The following WSB1 variants were observed in gnomAD, a reference collection of about 807,000 sequenced individuals.
WSB1 encodes the protein WD repeat and SOCS box containing 1.
WSB1 carries 23 observed loss-of-function variants against 50.2 expected under a neutral mutation model. The observed-to-expected ratio is 0.46, with a 90% confidence interval of 0.33 to 0.65. The LOEUF (loss-of-function observed/expected upper bound fraction) is 0.65. Ranked by LOEUF, WSB1 falls within the 30% of genes least tolerant of loss-of-function variation. WSB1 has a pLI of 0.02. For synonymous variants in WSB1, 179 were observed against 172.0 expected (o/e 1.04, Z -0.32); for missense variants, 492 against 522.3 (o/e 0.94, Z 0.56).
intron 1 of WSB1, among the ~76,000 whole-genome samples, chr17:27,297,651 C>A (rs1168594155): frequency 6.6e-6 from 1 of 151,994 alleles, no homozygotes; most frequent in East Asian, 1.9e-4. Context: ...GAGATGAGGT[C>A]CCCTATCTAT....
At chr17:27,308,696 G>C (rs1232391286) in intron 5 of WSB1, 1 of 986,890 alleles carries the variant, frequency 1.0e-6, no homozygotes, top group Non-Finnish European at 1.2e-6. Context: ...TACGTTTTCT[G>C]TCTGTATATT....
At chr17:27,304,031 G>C (rs142797018) in intron 3 of WSB1, among the ~76,000 whole-genome samples, 1 of 152,266 alleles carries the variant, frequency 6.6e-6, no homozygotes, top group East Asian at 1.9e-4. Context: ...ACCTTGGAAA[G>C]GTTTAGTGAA....
Position 27,312,468 on chromosome 17 carries a change from GATTT to G in WSB1, c.*105_*108del. On this transcript the variant is annotated 3_prime_UTR_variant, in exon 9 of 9. Transcript: ENST00000262394. ...ATTATCTGTTTTTAAAGACGTAGAA[GATTT>G]ATTTAATTTGATATGTTCTTGTACT... The G allele has an allele frequency of 6.7e-7, 1 of 1,484,274 alleles. No homozygotes were observed. The highest frequency in any genetic ancestry group is 9.1e-7 in the Non-Finnish European group (1 of 1,095,860). The allele number at this position is 1,484,274 out of a possible 1,614,324, so 91.9% of individuals were successfully genotyped here. A position where few individuals can be genotyped will look rare whatever the true frequency, so the allele number is the denominator to read the frequency against.
intron 1 of WSB1, among the ~76,000 whole-genome samples, chr17:27,296,303 T>TA (rs201943138): frequency 0.015 from 2,217 of 152,184 alleles, 60 homozygotes; most frequent in African/African-American, 0.05. Context: ...TATAAAAACT[T>TA]ACTAGCTAAG....
At position 27,294,450 on chromosome 17, in the gene WSB1, C is replaced by G; in HGVS notation, c.40+15C>G. Reference sequence around the variant, plus strand: ...GAAAGAGATCGGTGAGGATTGGGACCGTGGGTGGGCGCATGAGGGCCGAGG... The same window carrying G: ...GAAAGAGATCGGTGAGGATTGGGACGGTGGGTGGGCGCATGAGGGCCGAGG... On this transcript the variant is annotated intron_variant, in intron 1 of 8. Transcript: ENST00000262394. The G allele has an allele frequency of 6.2e-7, 1 of 1,610,070 alleles. No homozygotes were observed. The highest frequency in any genetic ancestry group is 8.5e-7 in the Non-Finnish European group (1 of 1,177,798).
At chr17:27,295,513 CCCTGGTTTTAATAACCA>C (rs1273789828) in intron 1 of WSB1, among the ~76,000 whole-genome samples, 1 of 151,640 alleles carries the variant, frequency 6.6e-6, no homozygotes, top group Non-Finnish European at 1.5e-5. Flanking sequence ...GGGACTTTAA[CCCTGGTTTTAATAACCA>C]TTTTTAAAGA....
Position 27,310,387 on chromosome 17 carries a change from T to C in WSB1, c.998+213T>C, listed in dbSNP as rs568806946. On this transcript the variant is annotated intron_variant, in intron 7 of 8. Transcript: ENST00000262394. Reference sequence around the variant, plus strand: ...CCCTGTGTTCCTTGTTTAACTTGTTTAGGCATAGTGGGTTGATTTTTAGTC... The same window carrying C: ...CCCTGTGTTCCTTGTTTAACTTGTTCAGGCATAGTGGGTTGATTTTTAGTC... Among the ~76,000 whole-genome samples the C allele has an allele frequency of 5.9e-5, 9 of 152,368 alleles. No individual in the cohort carries two copies. In the South Asian group the frequency reaches 1.7e-3, roughly 28 times the overall value.
rs1221685409 is a variant in WSB1 at position 27,314,482 on chromosome 17, A to G, written c.*2113A>G. ...TCCTAGCTACTTAGGAGGCTGAGGC[A>G]AGAGAATTGCTTGAACTGGAGAAAT... On this transcript the variant is annotated 3_prime_UTR_variant, in exon 9 of 9. Transcript: ENST00000262394. 1.3e-5 allele frequency: 2 copies of G among 151,922 alleles called. No homozygotes were observed. Among genetic ancestry groups the G allele is most frequent in the Admixed American group, 6.6e-5 (1 of 15,260 alleles). The allele number at this position is 151,922 out of a possible 1,614,324, so 9.4% of individuals were successfully genotyped here.
chr17:27,312,186 A>G (rs1402354596), intron 8 of WSB1, 24 bp from the exon 9 acceptor site: 1 of 1,593,876 alleles, frequency 6.3e-7, no homozygotes, highest in Admixed American at 1.8e-5. Flanking sequence ...TGGGTGACTA[A>G]GCATGTGCTT....
intron 1 of WSB1, among the ~76,000 whole-genome samples, chr17:27,296,208 T>A (rs2016971742): frequency 6.6e-6 from 1 of 151,600 alleles, no homozygotes; most frequent in Non-Finnish European, 1.5e-5. Context: ...CACTAAGTGT[T>A]CCCCCACTAG....
In WSB1 at chr17:27,294,266, GC is replaced by G. The variant is rs1430758249; in HGVS notation, c.-125del. On this transcript the variant is annotated 5_prime_UTR_variant, in exon 1 of 9. Coordinates refer to ENST00000262394, the MANE Select transcript of WSB1 (RefSeq NM_015626.10). ...GCAGTTAGCAGAAGCCGCAGCGGCCGCCCCCGCCCGTCTCCTCTGTCCCTGG... is the reference window on the plus strand; with the variant it reads ...GCAGTTAGCAGAAGCCGCAGCGGCCGCCCCGCCCGTCTCCTCTGTCCCTGG... The G allele has an allele frequency of 2.1e-5, 27 of 1,287,224 alleles. No homozygotes were observed. The highest frequency in any genetic ancestry group is 2.9e-5 in the Non-Finnish European group (27 of 937,344). 79.7% of individuals were successfully genotyped at this position (1,287,224 alleles called of 1,614,324 possible).
intron 5 of WSB1, 74 bp from the exon 6 acceptor site, chr17:27,309,026 G>T: frequency 6.9e-7 from 1 of 1,453,076 alleles, no homozygotes; most frequent in Non-Finnish European, 9.1e-7. Flanking sequence ...AAATTTAGCA[G>T]TTTTAGTATA....
chr17:27,298,523 C>A (rs1438559203), intron 1 of WSB1, among the ~76,000 whole-genome samples: 4 of 152,016 alleles, frequency 2.6e-5, no homozygotes, highest in Non-Finnish European at 5.9e-5. Flanking sequence ...GAGCTGGAGA[C>A]CAGCCTGGGT....
intron 5 of WSB1, chr17:27,308,481 T>C (rs1476548531): frequency 4.1e-6 from 4 of 984,886 alleles, no homozygotes; most frequent in Non-Finnish European, 4.8e-6. Context: ...AATGTAATTG[T>C]ATTATTTTCA....
At chr17:27,311,739 C>A (rs1435982828) in intron 8 of WSB1, 123 bp downstream of exon 8, 8 of 709,046 alleles carry the variant, frequency 1.1e-5, no homozygotes, top group African/African-American at 1.0e-4. Context: ...CAAGGAGATT[C>A]TCCTGCCTCA....
Position 27,312,383 on chromosome 17 carries a change from C to G in WSB1, c.*14C>G, listed in dbSNP as rs1252317565. 1 of 1,613,530 alleles carries G rather than the reference C, an allele frequency of 6.2e-7. No homozygotes were observed. Among genetic ancestry groups the G allele is most frequent in the Admixed American group, 1.7e-5 (1 of 59,764 alleles). On this transcript the variant is annotated 3_prime_UTR_variant, in exon 9 of 9. Coordinates refer to ENST00000262394, the MANE Select transcript of WSB1 (RefSeq NM_015626.10). ...TATCGTATTTAGAAGATTCTGCCTTCCCTAGTAGTAGGGACTGACAGAATA... is the reference window on the plus strand; with the variant it reads ...TATCGTATTTAGAAGATTCTGCCTTGCCTAGTAGTAGGGACTGACAGAATA...
chr17:27,299,646 A>T (rs1205734700), intron 1 of WSB1, among the ~76,000 whole-genome samples: 1 of 152,190 alleles, frequency 6.6e-6, no homozygotes, highest in Non-Finnish European at 1.5e-5. Context: ...TGCCACTTTT[A>T]TGAGGGCCAG....
In WSB1 at chr17:27,294,249, C is replaced by G. The variant is rs2016848270; in HGVS notation, c.-147C>G. 1 of 1,091,524 alleles carries G rather than the reference C, an allele frequency of 9.2e-7. No homozygotes were observed. Among genetic ancestry groups the G allele is most frequent in the Admixed American group, 2.4e-5 (1 of 41,274 alleles). 67.6% of individuals were successfully genotyped at this position (1,091,524 alleles called of 1,614,324 possible). On this transcript the variant is annotated 5_prime_UTR_variant, in exon 1 of 9. Transcript: ENST00000262394. ...TCGGGAGCTTTCCCGAGGCAGTTAG[C>G]AGAAGCCGCAGCGGCCGCCCCCGCC...
rs147568480 is a variant in WSB1 at position 27,312,357 on chromosome 17, G to C, written c.1254G>C (p.Ser418=). The change falls in exon 9 of 9, where the codon TCG becomes TCC. Residue 418 remains serine (S), a synonymous_variant. Coordinates refer to ENST00000262394, the MANE Select transcript of WSB1 (RefSeq NM_015626.10). ...PIPSKLLEFL[S]YRI ...CTTCCAAGCTTTTGGAGTTTCTCTC[G>C]TATCGTATTTAGAAGATTCTGCCTT... is the stretch of plus-strand genomic sequence containing the variant. The C allele has an allele frequency of 3.0e-5, 48 of 1,613,820 alleles. No individual in the cohort carries two copies. In the Middle Eastern group the frequency reaches 1.3e-3, roughly 44 times the overall value.
Sources: allele counts gnomAD v4.1 joint callset (sites outside exome capture counted in the v4.1 genomes callset), GRCh38; gene constraint gnomAD v4.1.1; transcripts MANE v1.5; gene names NCBI Gene and HGNC (gene_info 2026-07-23, HGNC 2026-07-21).